Variants in HS6ST3 observed in about 807,000 individuals in gnomAD.
HS6ST3 encodes the protein heparan sulfate 6-O-sulfotransferase 3.
Under a neutral mutation model 36.7 loss-of-function variants are expected in HS6ST3, and 12 were observed. The ratio of observed to expected loss-of-function variants is 0.33; its 90% CI spans 0.21 to 0.53. The LOEUF (loss-of-function observed/expected upper bound fraction) is 0.53. Ranked by LOEUF, HS6ST3 falls within the 20% of genes least tolerant of loss-of-function variation. HS6ST3 has a pLI of 0.95. For synonymous variants in HS6ST3, 240 were observed against 257.5 expected, an observed-to-expected ratio of 0.93 and a Z score of 0.65; for missense variants, 584 against 640.9, an observed-to-expected ratio of 0.91 and a Z score of 0.96.
At chr13:96,358,274 G>T (rs374765250) in intron 1 of HS6ST3, among the ~76,000 whole-genome samples, 15 of 143,090 alleles carry the variant, frequency 1.0e-4, no homozygotes, top group African/African-American at 4.2e-4. Flanking sequence ...TTGGAGAAAG[G>T]TGGTGGGGCA....
intron 1 of HS6ST3, among the ~76,000 whole-genome samples, chr13:96,410,616 G>T (rs1452471706): frequency 6.6e-6 from 1 of 151,960 alleles, no homozygotes; most frequent in East Asian, 1.9e-4. Context: ...TAAAAATATG[G>T]TTTGTTAACC....
chr13:96,742,211 G>T (rs1876458353), intron 1 of HS6ST3, among the ~76,000 whole-genome samples: 1 of 152,068 alleles, frequency 6.6e-6, no homozygotes, highest in Non-Finnish European at 1.5e-5. Flanking sequence ...AGAGGCAGGG[G>T]AGTACAATTT....
intron 1 of HS6ST3, among the ~76,000 whole-genome samples, chr13:96,185,974 A>G (rs1380734728): frequency 6.6e-6 from 1 of 152,174 alleles, no homozygotes; most frequent in Non-Finnish European, 1.5e-5. Context: ...ATAAAGTTAT[A>G]TACTGTATGT....
chr13:96,310,696 C>T (rs2054936541), intron 1 of HS6ST3, among the ~76,000 whole-genome samples: 1 of 147,010 alleles, frequency 6.8e-6, no homozygotes, highest in South Asian at 2.4e-4. Flanking sequence ...TATCTCCTTC[C>T]CTTCCCACTC....
At chr13:96,204,262 T>C (rs535854678) in intron 1 of HS6ST3, among the ~76,000 whole-genome samples, 85 of 152,208 alleles carry the variant, frequency 5.6e-4, no homozygotes, top group Non-Finnish European at 7.6e-4. Context: ...AAGAAGAGCA[T>C]AACATAATGG....
intron 1 of HS6ST3, among the ~76,000 whole-genome samples, chr13:96,155,159 A>G (rs2054104520): frequency 6.6e-6 from 1 of 152,210 alleles, no homozygotes; most frequent in Non-Finnish European, 1.5e-5. Context: ...ATTGAGAACT[A>G]CAATATAACA....
At chr13:96,765,069 T>C (rs1877068278) in intron 1 of HS6ST3, among the ~76,000 whole-genome samples, 1 of 138,434 alleles carries the variant, frequency 7.2e-6, no homozygotes, top group Non-Finnish European at 1.6e-5. Flanking sequence ...TCTTTTTTTT[T>C]TTTTTTTTTT....
At chr13:96,431,153 G>A (rs1212818351) in intron 1 of HS6ST3, among the ~76,000 whole-genome samples, 2 of 152,014 alleles carry the variant, frequency 1.3e-5, no homozygotes, top group African/African-American at 2.4e-5. Context: ...GCAGTGAGCC[G>A]AGATTGCTCC....
chr13:96,248,604 A>G (rs918298705), intron 1 of HS6ST3, among the ~76,000 whole-genome samples: 2 of 152,342 alleles, frequency 1.3e-5, no homozygotes, highest in South Asian at 2.1e-4. Context: ...GATATTTCAA[A>G]CAACTTAATT....
chr13:96,355,983 A>C (rs1459732913), intron 1 of HS6ST3, among the ~76,000 whole-genome samples: 1 of 152,180 alleles, frequency 6.6e-6, no homozygotes, highest in African/African-American at 2.4e-5. Flanking sequence ...CCATTTCAAG[A>C]AATCACTTTC....
At chr13:96,225,857 T>C (rs1456373850) in intron 1 of HS6ST3, among the ~76,000 whole-genome samples, 2 of 152,170 alleles carry the variant, frequency 1.3e-5, no homozygotes, top group East Asian at 3.9e-4. Flanking sequence ...AGGGGGAATG[T>C]AAAAGAGTGA....
chr13:96,534,351 G>A lies in HS6ST3; in HGVS notation c.708-298139G>A, dbSNP rs574544531. On this transcript the variant is annotated intron_variant, in intron 1 of 1. Coordinates refer to ENST00000376705, the MANE Select transcript of HS6ST3 (RefSeq NM_153456.4). ...CTGGCTGTATTATTAAATATCTGCA[G>A]GATAATTATGTATACCCACTTCTTT... 1.1e-4 allele frequency among the ~76,000 whole-genome samples: 17 copies of A among 152,236 alleles called. No individual in the cohort carries two copies. In the East Asian group the frequency reaches 1.2e-3, roughly 10 times the overall value.
At chr13:96,554,370 C>T (rs1246010865) in intron 1 of HS6ST3, among the ~76,000 whole-genome samples, 1 of 152,082 alleles carries the variant, frequency 6.6e-6, no homozygotes, top group Non-Finnish European at 1.5e-5. Context: ...ACAGAAATCA[C>T]CAATTAAGAT....
chr13:96,618,272 A>AT (rs921550429), intron 1 of HS6ST3, among the ~76,000 whole-genome samples: 6 of 151,466 alleles, frequency 4.0e-5, no homozygotes, highest in East Asian at 3.9e-4. Flanking sequence ...ATAATTTTAA[A>AT]TTTTTTTTTG....
At chr13:96,816,052 C>T (rs1038798364) in intron 1 of HS6ST3, among the ~76,000 whole-genome samples, 4 of 152,136 alleles carry the variant, frequency 2.6e-5, no homozygotes, top group Admixed American at 6.5e-5. Context: ...ATCCCCAGAT[C>T]GTGGCTGCAA....
intron 1 of HS6ST3, among the ~76,000 whole-genome samples, chr13:96,148,455 A>G (rs1327612155): frequency 2.0e-5 from 3 of 152,178 alleles, no homozygotes; most frequent in African/African-American, 7.2e-5. Context: ...CAGAGCAAAA[A>G]GGGAGGTGAG....
At chr13:96,397,059 C>T (rs1198750945) in intron 1 of HS6ST3, among the ~76,000 whole-genome samples, 1 of 152,000 alleles carries the variant, frequency 6.6e-6, no homozygotes, top group Non-Finnish European at 1.5e-5. Context: ...CAAAAATTAG[C>T]TGGGCGTGAT....
At chr13:96,323,601 C>T (rs2055015501) in intron 1 of HS6ST3, among the ~76,000 whole-genome samples, 1 of 152,196 alleles carries the variant, frequency 6.6e-6, no homozygotes, top group African/African-American at 2.4e-5. Flanking sequence ...TTGTGGAGCA[C>T]ACACCCTCTC....
At chr13:96,759,100 T>C (rs893558551) in intron 1 of HS6ST3, among the ~76,000 whole-genome samples, 2 of 151,906 alleles carry the variant, frequency 1.3e-5, no homozygotes, top group Non-Finnish European at 2.9e-5. Context: ...TTGTCTTACA[T>C]TGATATATTA....
Sources: allele counts gnomAD v4.1 joint callset (sites outside exome capture counted in the v4.1 genomes callset), GRCh38; gene constraint gnomAD v4.1.1; transcripts MANE v1.5; gene names NCBI Gene and HGNC (gene_info 2026-07-23, HGNC 2026-07-21).